The following LIPN variants were observed in gnomAD, a reference collection of about 807,000 sequenced individuals.
LIPN encodes lipase family member N, also known as lipase member N.
In LIPN, 32 loss-of-function variants were observed where a neutral mutation model predicts 43.7. The observed-to-expected ratio is 0.73, with a 90% CI of 0.55 to 0.98. The LOEUF is 0.98. Ranked by LOEUF, LIPN falls within the 50% of genes least tolerant of loss-of-function variation. The pLI is 0.00. For missense variants in LIPN, 505 were observed against 483.8 expected (o/e 1.04, Z -0.41); for synonymous variants, 156 against 157.6 (o/e 0.99, Z 0.08).
In LIPN at chr10:88,769,820, A is replaced by G. The variant is rs550780738; in HGVS notation, c.672+892A>G. 2.6e-5 allele frequency among the ~76,000 whole-genome samples: 4 copies of G among 152,046 alleles called. No homozygotes were observed. The South Asian group carries it at 8.3e-4, about 32-fold the overall frequency. ...AATACTATGGTCTGATAATAGTTTTATTGTATTGTTTACTGAGAGCACAAA... is the reference window on the plus strand; with the variant it reads ...AATACTATGGTCTGATAATAGTTTTGTTGTATTGTTTACTGAGAGCACAAA... On this transcript the variant is annotated intron_variant, in intron 6 of 9. Transcript: ENST00000404459.
Position 88,768,818 on chromosome 10 carries a change from G to A in LIPN, c.562G>A (p.Glu188Lys). 6.2e-7 allele frequency: 1 copy of A among 1,611,374 alleles called. No individual in the cohort carries two copies. ...IGFVAFSTMP[E>K]LAQRIKMNFA... Reference sequence around the variant, plus strand: ...GTTTGTAGCCTTTTCCACCATGCCTGAACTGGCACAAAGAATCAAAATGAA... The same window carrying A: ...GTTTGTAGCCTTTTCCACCATGCCTAAACTGGCACAAAGAATCAAAATGAA... Residue 188 changes from glutamate to lysine, a missense_variant, in exon 6 of 10, where the codon GAA (glutamate) becomes AAA (lysine). Coordinates refer to ENST00000404459, the MANE Select transcript of LIPN (RefSeq NM_001102469.2).
At chr10:88,774,976 T>A in intron 8 of LIPN, 116 bp from the exon 9 acceptor site, 1 of 659,240 alleles carries the variant, frequency 1.5e-6, no homozygotes, top group Non-Finnish European at 2.7e-6. Context: ...GTTACATCCT[T>A]CTGGTGATCT....
upstream of LIPN, among the ~76,000 whole-genome samples, chr10:88,759,463 A>G (rs1032199731): frequency 2.0e-5 from 3 of 152,086 alleles, no homozygotes; most frequent in African/African-American, 7.2e-5. Flanking sequence ...GCCTTTAACC[A>G]CTGGTGTAAA....
At chr10:88,773,396 A>G (rs1843242504) in intron 7 of LIPN, among the ~76,000 whole-genome samples, 1 of 151,912 alleles carries the variant, frequency 6.6e-6, no homozygotes. Context: ...TAAAAATAAA[A>G]TCCTAAAAAA....
chr10:88,770,522 T>G (rs551584107), intron 6 of LIPN, among the ~76,000 whole-genome samples: 1 of 151,960 alleles, frequency 6.6e-6, no homozygotes, highest in Admixed American at 6.6e-5. Context: ...TATTGCAATC[T>G]CCTTGTAAAT....
At chr10:88,776,623 A>C (rs183289233) in intron 9 of LIPN, among the ~76,000 whole-genome samples, 62 of 152,212 alleles carry the variant, frequency 4.1e-4, no homozygotes, top group Middle Eastern at 6.8e-3. Flanking sequence ...TATCTCTGCT[A>C]TATCTATATT....
chr10:88,766,212 CTGAG>C (rs1373417582), intron 4 of LIPN, 53 bp from the exon 5 acceptor site: 2 of 838,902 alleles, frequency 2.4e-6, no homozygotes, highest in Non-Finnish European at 2.0e-6. Flanking sequence ...AGCAAGTGCT[CTGAG>C]TTTTAAACTT....
intron 5 of LIPN, 116 bp from the exon 6 acceptor site, chr10:88,768,676 C>A (rs1590178217): frequency 2.8e-6 from 2 of 725,114 alleles, no homozygotes; most frequent in Non-Finnish European, 4.5e-6. Context: ...ACTTCCAATT[C>A]ATCCCCAGTA....
chr10:88,762,678 T>A (rs1009390956), intron 3 of LIPN, among the ~76,000 whole-genome samples: 5 of 152,054 alleles, frequency 3.3e-5, no homozygotes, highest in Non-Finnish European at 1.5e-5. Context: ...TGAAATTGAC[T>A]CTGGGGCACC....
intron 9 of LIPN, among the ~76,000 whole-genome samples, chr10:88,777,187 T>C (rs1030519256): frequency 8.5e-5 from 13 of 152,122 alleles, no homozygotes; most frequent in Non-Finnish European, 1.8e-4. Flanking sequence ...CACAGTCTCC[T>C]TGAAACTCAG....
At chr10:88,765,844 A>C (rs1224468140) in intron 4 of LIPN, among the ~76,000 whole-genome samples, 1 of 151,938 alleles carries the variant, frequency 6.6e-6, no homozygotes, top group Non-Finnish European at 1.5e-5. Context: ...ATTTCTCAAG[A>C]GTTGCAAAGG....
chr10:88,771,118 T>G (rs945934559), intron 7 of LIPN, 127 bp downstream of exon 7: 1 of 793,460 alleles, frequency 1.3e-6, no homozygotes, highest in African/African-American at 1.8e-5. Flanking sequence ...ACAGATTTTT[T>G]TTTGCTTTTA....
intron 3 of LIPN, 137 bp from the exon 4 acceptor site, chr10:88,764,273 G>A: frequency 1.7e-6 from 1 of 596,836 alleles, no homozygotes; most frequent in Non-Finnish European, 2.9e-6. Flanking sequence ...AGTGAAAACA[G>A]TTTTTGTTTT....
At chr10:88,774,069 T>A (rs550341364) in intron 7 of LIPN, among the ~76,000 whole-genome samples, 1 of 152,124 alleles carries the variant, frequency 6.6e-6, no homozygotes, top group South Asian at 2.1e-4. Flanking sequence ...ACAAAGCTGA[T>A]CATTAACAAC....
At chr10:88,774,648 T>C (rs1205641818) in intron 8 of LIPN, 104 bp downstream of exon 8, 2 of 909,812 alleles carry the variant, frequency 2.2e-6, no homozygotes, top group Non-Finnish European at 3.5e-6. Flanking sequence ...TCTTAAGAGC[T>C]TGCTTCCAGT....
upstream of LIPN, among the ~76,000 whole-genome samples, chr10:88,758,303 A>G (rs1192386194): frequency 6.6e-6 from 1 of 151,734 alleles, no homozygotes; most frequent in Non-Finnish European, 1.5e-5. Flanking sequence ...TGAGATTTCA[A>G]AAATACCACA....
chr10:88,767,644 C>CAAAAAAAAAAAAAAAAAAAAAA (rs61646268), intron 5 of LIPN, among the ~76,000 whole-genome samples: 1 of 61,484 alleles, frequency 1.6e-5, no homozygotes, highest in Non-Finnish European at 3.0e-5. Context: ...ACTTGATCTG[C>CAAAAAAAAAAAAAAAAAAAAAA]AAAAAAAAAA....
At chr10:88,771,049 A>T in intron 7 of LIPN, 58 bp downstream of exon 7, 1 of 1,368,272 alleles carries the variant, frequency 7.3e-7, no homozygotes, top group Non-Finnish European at 1.0e-6. Context: ...CTTTCCTTTG[A>T]CTCATTTTGA....
At chr10:88,758,362 A>AT (rs1277476916), upstream of LIPN, among the ~76,000 whole-genome samples, 1 of 103,288 alleles carries the variant, frequency 9.7e-6, no homozygotes, top group African/African-American at 4.2e-5. Flanking sequence ...ATCTAATTTT[A>AT]TTAAAAAAAA....
Sources: allele counts gnomAD v4.1 joint callset (sites outside exome capture counted in the v4.1 genomes callset), GRCh38; gene constraint gnomAD v4.1.1; transcripts MANE v1.5; gene names NCBI Gene and HGNC (gene_info 2026-07-23, HGNC 2026-07-21).